The following TMEM204 variants were observed in gnomAD, a reference collection of about 807,000 sequenced individuals.
The protein encoded by TMEM204 is claudin-like protein 24.
A neutral mutation model predicts 19.4 loss-of-function variants in TMEM204; 15 were observed. That is an observed-to-expected ratio of 0.77 (90% confidence interval 0.52 to 1.19). TMEM204 has a LOEUF of 1.19. TMEM204 is among the 50% of genes most tolerant of loss of function. The pLI is 0.00. For missense variants in TMEM204, 287 were observed against 321.2 expected (o/e 0.89, Z 0.81); for synonymous variants, 161 against 146.0 (o/e 1.10, Z -0.74).
At chr16:1,554,047 A>G in intron 2 of TMEM204, 3 of 1,287,224 alleles carry the variant, frequency 2.3e-6, no homozygotes, top group Non-Finnish European at 3.0e-6. Flanking sequence ...GGCTCTGGAA[A>G]GAGAGGGGAA....
intron 2 of TMEM204, among the ~76,000 whole-genome samples, chr16:1,549,421 T>TTTTC (rs925546400): frequency 6.6e-6 from 1 of 152,196 alleles, no homozygotes; most frequent in Non-Finnish European, 1.5e-5. Flanking sequence ...CCCCAGGTGC[T>TTTTC]TTTCTTTCTT....
chr16:1,529,563 A>G (rs886452758), upstream of TMEM204, among the ~76,000 whole-genome samples: 3 of 152,206 alleles, frequency 2.0e-5, no homozygotes, highest in African/African-American at 7.2e-5. Context: ...TCTTGCCACC[A>G]ACTCAGCACA....
Position 1,555,133 on chromosome 16 carries a change from G to A in TMEM204, c.*107G>A, listed in dbSNP as rs1037269200. The A allele has an allele frequency of 2.1e-6, 3 of 1,408,850 alleles. No individual in the cohort carries two copies. In the African/African-American group the frequency reaches 4.3e-5, roughly 20 times the overall value. 87.3% of individuals were successfully genotyped at this position (1,408,850 alleles called of 1,614,324 possible). ...CTTCCCCTGCTCGTGCAGAGGCACG[G>A]GATGAGTCTGGGTGACCTCTGCGCC... On this transcript the variant is annotated 3_prime_UTR_variant, in exon 3 of 3. Coordinates refer to ENST00000566264, the MANE Select transcript of TMEM204 (RefSeq NM_024600.6).
chr16:1,541,228 A>C, intron 1 of TMEM204: 1 of 985,424 alleles, frequency 1.0e-6, no homozygotes, highest in Non-Finnish European at 1.2e-6. Flanking sequence ...CCCTGACTTA[A>C]GCCACTGAGT....
intron 2 of TMEM204, among the ~76,000 whole-genome samples, chr16:1,545,177 C>T (rs948078025): frequency 6.6e-6 from 1 of 152,200 alleles, no homozygotes; most frequent in Non-Finnish European, 1.5e-5. Context: ...TGGAGGCCTT[C>T]GGAGGCCTGT....
chr16:1,545,325 G>T (rs1299473855), intron 2 of TMEM204, among the ~76,000 whole-genome samples: 2 of 152,116 alleles, frequency 1.3e-5, no homozygotes, highest in East Asian at 1.9e-4. Flanking sequence ...AGGGCCCCTG[G>T]TGTCTCGGTG....
chr16:1,554,946 C>CCG lies in TMEM204; in HGVS notation c.601_602insCG (p.Arg201ProfsTer3). 6.2e-7 allele frequency: 1 copy of CCG among 1,614,138 alleles called. No individual in the cohort carries two copies. Among genetic ancestry groups the CCG allele is most frequent in the Non-Finnish European group, 8.5e-7 (1 of 1,180,046 alleles). On this transcript the variant is annotated frameshift_variant, in exon 3 of 3. Coordinates refer to ENST00000566264, the MANE Select transcript of TMEM204 (RefSeq NM_024600.6). LOFTEE classifies it high-confidence loss of function. The stretch of plus-strand genomic sequence containing the variant: ...CAAGAGGGAGGACTGCATGGCCCCC[C>CCG]GGGTGATTGTCATCAGCCGCTCCCT...
intron 1 of TMEM204, among the ~76,000 whole-genome samples, chr16:1,540,041 G>A (rs1196274894): frequency 6.6e-6 from 1 of 152,216 alleles, no homozygotes; most frequent in East Asian, 1.9e-4. Flanking sequence ...GAGGGAAGCA[G>A]CTTGAAATAC....
Position 1,553,266 on chromosome 16 carries a change from T to G in TMEM204, c.437-1516T>G. Reference sequence around the variant, plus strand: ...TGTCTCTGTCTCTCTGTATCTCTCTTGGTCTCTGTCTCTCTGTGTCTCTGC... The same window carrying G: ...TGTCTCTGTCTCTCTGTATCTCTCTGGGTCTCTGTCTCTCTGTGTCTCTGC... On this transcript the variant is annotated intron_variant, in intron 2 of 2. Coordinates refer to ENST00000566264, the MANE Select transcript of TMEM204 (RefSeq NM_024600.6). The surrounding 1 kb of genome is among the most constrained non-coding windows in gnomAD (Gnocchi z 4.4). 1 of 977,594 alleles carries G rather than the reference T, an allele frequency of 1.0e-6. No individual in the cohort carries two copies. Among genetic ancestry groups the G allele is most frequent in the Non-Finnish European group, 1.2e-6 (1 of 822,934 alleles). The allele number at this position is 977,594 out of a possible 1,614,324, so 60.6% of individuals were successfully genotyped here.
upstream of TMEM204, among the ~76,000 whole-genome samples, chr16:1,530,318 AGATGGG>A (rs1356344720): frequency 6.6e-6 from 1 of 151,608 alleles, no homozygotes; most frequent in Non-Finnish European, 1.5e-5. Context: ...TTTGTAGTAG[AGATGGG>A]GTTTCATCAT....
chr16:1,552,648 C>CTT lies in TMEM204; in HGVS notation c.437-2117_437-2116dup, dbSNP rs11409894. 3.9e-3 allele frequency among the ~76,000 whole-genome samples: 492 copies of CTT among 127,554 alleles called. 4 individuals carry two copies. Among genetic ancestry groups the CTT allele is most frequent in the African/African-American group, 9.1e-3 (303 of 33,294 alleles). The allele number at this position is 127,554 out of a possible 152,430, so 83.7% of individuals were successfully genotyped here. ...GTTAGTATTCATTACAAAGAGAATG[C>CTT]TTTTTTTTTTTTTTTTTTGAAATGG... On this transcript the variant is annotated intron_variant, in intron 2 of 2. Coordinates refer to ENST00000566264, the MANE Select transcript of TMEM204 (RefSeq NM_024600.6).
chr16:1,537,250 C>T (rs1040574623), intron 1 of TMEM204, among the ~76,000 whole-genome samples: 7 of 151,982 alleles, frequency 4.6e-5, no homozygotes, highest in Admixed American at 3.3e-4. Flanking sequence ...CGCCACACCG[C>T]GTGCCTCCTC....
At chr16:1,546,867 T>C (rs1166770235) in intron 2 of TMEM204, among the ~76,000 whole-genome samples, 2 of 152,250 alleles carry the variant, frequency 1.3e-5, no homozygotes, top group African/African-American at 2.4e-5. Context: ...CCTCAGCTGT[T>C]GCTGGAGCCC....
chr16:1,530,558 G>C (rs1184767620), upstream of TMEM204, among the ~76,000 whole-genome samples: 1 of 152,174 alleles, frequency 6.6e-6, no homozygotes, highest in African/African-American at 2.4e-5. Flanking sequence ...CCCTTGTCCT[G>C]AAAACAACTG....
At chr16:1,542,209 C>T in intron 2 of TMEM204, 133 bp downstream of exon 2, 1 of 1,002,168 alleles carries the variant, frequency 1.0e-6, no homozygotes, top group African/African-American at 1.7e-5. Context: ...CCACAGGCCA[C>T]TGAGAAGCCC....
At chr16:1,537,897 C>T (rs1157552906) in intron 1 of TMEM204, among the ~76,000 whole-genome samples, 3 of 152,174 alleles carry the variant, frequency 2.0e-5, no homozygotes, top group Non-Finnish European at 2.9e-5. Context: ...CAAACGGGCA[C>T]GTAAGACCCT....
Position 1,553,673 on chromosome 16 carries a change from G to T in TMEM204, c.437-1109G>T. ...GGGGTGCTGGGTGGGCAGAAGCGGG[G>T]CTGGGGCTGAAGGCTGGCTGGAGGC... On this transcript the variant is annotated intron_variant, in intron 2 of 2. Coordinates refer to ENST00000566264, the MANE Select transcript of TMEM204 (RefSeq NM_024600.6). The surrounding 1 kb of genome is among the most constrained non-coding windows in gnomAD (Gnocchi z 4.4). 9.3e-7 allele frequency: 1 copy of T among 1,072,698 alleles called. No individual in the cohort carries two copies. Among genetic ancestry groups the T allele is most frequent in the African/African-American group, 1.6e-5 (1 of 60,700 alleles). 66.4% of individuals were successfully genotyped at this position (1,072,698 alleles called of 1,614,324 possible).
At chr16:1,540,452 T>G (rs1431506618) in intron 1 of TMEM204, among the ~76,000 whole-genome samples, 1 of 152,214 alleles carries the variant, frequency 6.6e-6, no homozygotes. Flanking sequence ...CTTCCCCTGC[T>G]GGGCTGGCTT....
upstream of TMEM204, among the ~76,000 whole-genome samples, chr16:1,529,746 G>A (rs1313474524): frequency 6.6e-6 from 1 of 152,224 alleles, no homozygotes; most frequent in South Asian, 2.1e-4. Flanking sequence ...CCACGTGGAA[G>A]GACCCATGCG....
Sources: allele counts gnomAD v4.1 joint callset (sites outside exome capture counted in the v4.1 genomes callset), GRCh38; gene constraint gnomAD v4.1.1; non-coding constraint Gnocchi (gnomAD v3.1); transcripts MANE v1.5; gene names NCBI Gene and HGNC (gene_info 2026-07-23, HGNC 2026-07-21).